The following UGT1A7 variants were observed in gnomAD, a reference collection of about 807,000 sequenced individuals.
UGT1A7 encodes the protein UDP glucuronosyltransferase family 1 member A7.
A neutral mutation model predicts 45.6 loss-of-function variants in UGT1A7; 33 were observed. The ratio of observed to expected loss-of-function variants is 0.72; its 90% confidence interval spans 0.55 to 0.97. UGT1A7 has a LOEUF of 0.97. UGT1A7 is among the 50% of genes least tolerant of loss of function. The pLI is 0.00. For synonymous variants in UGT1A7, 274 were observed against 250.6 expected, an observed-to-expected ratio of 1.09 and a Z score of -0.88; for missense variants, 684 against 666.2, an observed-to-expected ratio of 1.03 and a Z score of -0.29.
intron 3 of UGT1A7, 29 bp downstream of exon 3, chr2:233,767,965 C>T: frequency 3.1e-6 from 5 of 1,614,098 alleles, no homozygotes; most frequent in Non-Finnish European, 4.2e-6. Context: ...ATGTATAGGT[C>T]AAACCAGGGT....
intron 1 of UGT1A7, among the ~76,000 whole-genome samples, chr2:233,709,056 C>T (rs1379760396): frequency 3.9e-5 from 6 of 152,080 alleles, no homozygotes; most frequent in Admixed American, 1.3e-4. Context: ...CCCAGGATTC[C>T]TAGTTAAAGT....
intron 1 of UGT1A7, among the ~76,000 whole-genome samples, chr2:233,700,750 T>C (rs535938067): frequency 6.2e-4 from 94 of 152,228 alleles, no homozygotes; most frequent in Non-Finnish European, 9.3e-4. Flanking sequence ...ACTTTAAGTT[T>C]TAGGGTACAT....
chr2:233,747,799 A>C, intron 1 of UGT1A7: 1 of 1,613,474 alleles, frequency 6.2e-7, no homozygotes, highest in Non-Finnish European at 8.5e-7. Context: ...TATATTCCTA[A>C]GTTACTAACG....
Position 233,751,308 on chromosome 2 carries a change from C to T in UGT1A7, c.856-15726C>T, listed in dbSNP as rs184289670. ...CCCATTTGGAATGGGAATATTTACC[C>T]AATTTCTGTACCCCCATTGTGTCTT... On this transcript the variant is annotated intron_variant, in intron 1 of 4. Coordinates refer to ENST00000373426, the MANE Select transcript of UGT1A7 (RefSeq NM_019077.3). Among the ~76,000 whole-genome samples the T allele has an allele frequency of 1.2e-3, 189 of 152,106 alleles. 2 individuals carry two copies. Among genetic ancestry groups the T allele is most frequent in the African/African-American group, 4.3e-3 (176 of 41,336 alleles).
intron 1 of UGT1A7, chr2:233,719,052 A>G (rs200903552): frequency 2.5e-6 from 4 of 1,614,270 alleles, no homozygotes; most frequent in African/African-American, 1.3e-5. Context: ...TTTCACCCTG[A>G]CAGCCTATGC....
At chr2:233,743,069 T>G in intron 1 of UGT1A7, 1 of 339,242 alleles carries the variant, frequency 2.9e-6, no homozygotes, top group Non-Finnish European at 5.8e-6. Context: ...AGAACAGGTG[T>G]TGGCATGAAG....
At chr2:233,719,060 T>C in intron 1 of UGT1A7, 1 of 1,614,258 alleles carries the variant, frequency 6.2e-7, no homozygotes, top group East Asian at 2.2e-5. Flanking sequence ...TGACAGCCTA[T>C]GCTGTTCCAT....
intron 1 of UGT1A7, among the ~76,000 whole-genome samples, chr2:233,692,668 A>G (rs1449549810): frequency 1.3e-5 from 2 of 152,184 alleles, no homozygotes; most frequent in African/African-American, 4.8e-5. Flanking sequence ...TTCGGGATAG[A>G]GAATTGGCAG....
chr2:233,686,250 T>G (rs1345556884), intron 1 of UGT1A7, among the ~76,000 whole-genome samples: 1 of 125,722 alleles, frequency 8.0e-6, no homozygotes, highest in Admixed American at 7.5e-5. Flanking sequence ...GTTTCTGAGA[T>G]TTTTTTTTTT....
intron 1 of UGT1A7, among the ~76,000 whole-genome samples, chr2:233,744,590 G>C (rs1190508519): frequency 6.6e-6 from 1 of 151,850 alleles, no homozygotes; most frequent in Non-Finnish European, 1.5e-5. Flanking sequence ...TACAGTTTTT[G>C]CATCTCTCTT....
At chr2:233,692,866 A>G in intron 1 of UGT1A7, 2 of 1,480,832 alleles carry the variant, frequency 1.4e-6, no homozygotes, top group Admixed American at 2.7e-5. Context: ...CTTACATATC[A>G]AAGGGTAAAA....
In UGT1A7 at chr2:233,693,777, A is replaced by T. The variant is rs112793692; in HGVS notation, c.855+10985A>T. The T allele has an allele frequency of 2.0e-5, 32 of 1,614,100 alleles. No individual in the cohort carries two copies. The East Asian group carries it at 5.3e-4, about 27-fold the overall frequency. ...GTCTCTGTTTGGCTGTTAAGATATGACTTTGTGCTTGAATATCCTAGGCCG... is the reference window on the plus strand; with the variant it reads ...GTCTCTGTTTGGCTGTTAAGATATGTCTTTGTGCTTGAATATCCTAGGCCG... On this transcript the variant is annotated intron_variant, in intron 1 of 4. Coordinates refer to ENST00000373426, the MANE Select transcript of UGT1A7 (RefSeq NM_019077.3).
intron 1 of UGT1A7, among the ~76,000 whole-genome samples, chr2:233,719,884 G>A (rs2076812512): frequency 6.6e-6 from 1 of 152,164 alleles, no homozygotes; most frequent in South Asian, 2.1e-4. Flanking sequence ...AGGCACGGAT[G>A]AGGGTCTGTC....
At chr2:233,743,515 C>G in intron 1 of UGT1A7, 2 of 1,367,292 alleles carry the variant, frequency 1.5e-6, no homozygotes, top group African/African-American at 1.5e-5. Flanking sequence ...AGACGCTCTG[C>G]TTCTGCTTCC....
chr2:233,693,527 C>T, intron 1 of UGT1A7: 2 of 1,614,200 alleles, frequency 1.2e-6, no homozygotes, highest in Non-Finnish European at 1.7e-6. Flanking sequence ...CAGGGGTTTT[C>T]CGTGTTCCCT....
intron 1 of UGT1A7, among the ~76,000 whole-genome samples, chr2:233,715,690 T>C (rs568505500): frequency 8.8e-4 from 134 of 152,264 alleles, no homozygotes; most frequent in African/African-American, 3.1e-3. Flanking sequence ...GAGGATCACT[T>C]GATCCCAGGA....
rs1361366825 is a variant in UGT1A7, at chr2:233,682,275, C to A, written c.338C>A (p.Ser113Tyr). 2 of 1,614,146 alleles carry A rather than the reference C, an allele frequency of 1.2e-6. No individual in the cohort carries two copies. Among genetic ancestry groups the A allele is most frequent in the Non-Finnish European group, 1.7e-6 (2 of 1,180,020 alleles). ...RSAFSLLTSS[S>Y]NGIFDLFFSN... ...GCATTTTCTCTATTAACAAGTTCATCCAATGGTATTTTTGACTTATTTTTT... is the reference window on the plus strand; with the variant it reads ...GCATTTTCTCTATTAACAAGTTCATACAATGGTATTTTTGACTTATTTTTT... The change falls in exon 1 of 5, where the codon TCC (serine) becomes TAC (tyrosine). Residue 113 changes from serine (S) to tyrosine (Y), a missense_variant. Coordinates refer to ENST00000373426, the MANE Select transcript of UGT1A7 (RefSeq NM_019077.3).
Position 233,745,045 on chromosome 2 carries a change from G to C in UGT1A7, c.856-21989G>C, listed in dbSNP as rs1692994086. Among the ~76,000 whole-genome samples the C allele has an allele frequency of 2.0e-5, 3 of 151,744 alleles. No homozygotes were observed. In the South Asian group the frequency reaches 6.2e-4, roughly 32 times the overall value. ...ATGTAAATAGTTGTTTTACAGTATT[G>C]GTTTTTTATTTGTATTATTTGTATT... On this transcript the variant is annotated intron_variant, in intron 1 of 4. Coordinates refer to ENST00000373426, the MANE Select transcript of UGT1A7 (RefSeq NM_019077.3).
chr2:233,698,796 G>C (rs896772598), intron 1 of UGT1A7, among the ~76,000 whole-genome samples: 1 of 152,162 alleles, frequency 6.6e-6, no homozygotes, highest in African/African-American at 2.4e-5. Context: ...GTAACCTCTG[G>C]GCTCCCAGCC....
Sources: allele counts gnomAD v4.1 joint callset (sites outside exome capture counted in the v4.1 genomes callset), GRCh38; gene constraint gnomAD v4.1.1; transcripts MANE v1.5; gene names NCBI Gene and HGNC (gene_info 2026-07-23, HGNC 2026-07-21).